The following C16orf87 variants were observed in gnomAD, a reference collection of about 807,000 sequenced individuals.
C16orf87 encodes UPF0547 protein C16orf87.
Under a neutral mutation model 21.0 loss-of-function variants are expected in C16orf87, and 13 were observed. The ratio of observed to expected loss-of-function variants is 0.62; its 90% CI spans 0.40 to 0.98. The LOEUF (loss-of-function observed/expected upper bound fraction) is 0.98, where lower values mean the gene tolerates loss of function less well. C16orf87 is among the 50% of genes least tolerant of loss of function. C16orf87 has a pLI of 0.00. For synonymous variants in C16orf87, 49 were observed against 60.2 expected, an observed-to-expected ratio of 0.81 and a Z score of 0.86; for missense variants, 113 against 180.4, an observed-to-expected ratio of 0.63 and a Z score of 2.14.
At chr16:46,830,488 T>A (rs1209138385) in intron 1 of C16orf87, 1 of 152,262 alleles carries the variant, frequency 6.6e-6, no homozygotes, top group African/African-American at 2.4e-5. Flanking sequence ...GGATTCGCGA[T>A]TGCACAGCAA....
At position 46,801,962 on chromosome 16, in the gene C16orf87, T is replaced by C. The variant is rs1488589077; in HGVS notation, c.*990A>G. On this transcript the variant is annotated 3_prime_UTR_variant, in exon 4 of 4. Transcript: ENST00000285697. ...AAATCAACTATAAACGATTATGACT[T>C]AACACTAGAAAAATTAAGAATTTAA... The C allele has an allele frequency of 2.0e-5, 3 of 152,164 alleles. No individual in the cohort carries two copies. The highest frequency in any genetic ancestry group is 7.2e-5 in the African/African-American group (3 of 41,440). 9.4% of individuals were successfully genotyped at this position (152,164 alleles called of 1,614,324 possible).
At chr16:46,816,901 T>C (rs1220849131) in intron 2 of C16orf87, among the ~76,000 whole-genome samples, 1 of 152,158 alleles carries the variant, frequency 6.6e-6, no homozygotes, top group African/African-American at 2.4e-5. Flanking sequence ...GAAATGTGTA[T>C]AGGATGCTTA....
At position 46,801,563 on chromosome 16, in the gene C16orf87, C is replaced by T. The variant is rs1320259925; in HGVS notation, c.*1389G>A. ...TGCATACAAAATAGTTGCAGTAGTA[C>T]CTGCAGATAGATACAGGGATTAAAG... On this transcript the variant is annotated 3_prime_UTR_variant, in exon 4 of 4. Coordinates refer to ENST00000285697, the MANE Select transcript of C16orf87 (RefSeq NM_001001436.4). 1 of 152,096 alleles carries T rather than the reference C, an allele frequency of 6.6e-6. No homozygotes were observed. Among genetic ancestry groups the T allele is most frequent in the East Asian group, 1.9e-4 (1 of 5,196 alleles). The allele number at this position is 152,096 out of a possible 1,614,324, so 9.4% of individuals were successfully genotyped here.
At chr16:46,805,499 T>C (rs1171096375) in intron 3 of C16orf87, among the ~76,000 whole-genome samples, 1 of 152,224 alleles carries the variant, frequency 6.6e-6, no homozygotes, top group Non-Finnish European at 1.5e-5. Context: ...ACAATTACAA[T>C]TGCTTCTTTT....
intron 2 of C16orf87, among the ~76,000 whole-genome samples, chr16:46,821,847 G>A (rs1959427470): frequency 6.7e-6 from 1 of 148,918 alleles, no homozygotes; most frequent in Non-Finnish European, 1.5e-5. Flanking sequence ...CAGACTATAT[G>A]TCCAACTGAA....
chr16:46,815,537 T>TCAA (rs1160228625), intron 2 of C16orf87, among the ~76,000 whole-genome samples: 3 of 151,782 alleles, frequency 2.0e-5, no homozygotes, highest in East Asian at 3.8e-4. Flanking sequence ...AATTTACAAG[T>TCAA]CAACAACAAC....
intron 3 of C16orf87, among the ~76,000 whole-genome samples, chr16:46,805,715 T>G (rs1296972957): frequency 6.6e-6 from 1 of 152,236 alleles, no homozygotes; most frequent in Non-Finnish European, 1.5e-5. Context: ...TACACATACG[T>G]GGAGCTTGAC....
In C16orf87 at chr16:46,799,137, G is replaced by C. The variant is rs933901486; in HGVS notation, c.*3815C>G. The C allele has an allele frequency of 2.0e-5, 3 of 152,178 alleles. No homozygotes were observed. The highest frequency in any genetic ancestry group is 4.4e-5 in the Non-Finnish European group (3 of 68,030). The allele number at this position is 152,178 out of a possible 1,614,324, so 9.4% of individuals were successfully genotyped here. ...AAAGAATTATTCTATTCCAGACTCT[G>C]TTATATGTCTCATACTTTTAATCCT... On this transcript the variant is annotated 3_prime_UTR_variant, in exon 4 of 4. Transcript: ENST00000285697.
rs192934941 is a variant in C16orf87, at chr16:46,826,974, A to G, written c.67-2492T>C. ...TTTCAGTCTTATACAAAAGAACTTC[A>G]TATCAATCCATCTCCAGAATTAACA... On this transcript the variant is annotated intron_variant, in intron 1 of 3. Coordinates refer to ENST00000285697, the MANE Select transcript of C16orf87 (RefSeq NM_001001436.4). Among the ~76,000 whole-genome samples the G allele has an allele frequency of 1.8e-3, 278 of 152,348 alleles. 1 individual carries two copies. The highest frequency in any genetic ancestry group is 3.5e-3 in the Non-Finnish European group (237 of 68,022).
At chr16:46,807,941 A>G in intron 3 of C16orf87, 1 of 440,962 alleles carries the variant, frequency 2.3e-6, no homozygotes, top group Non-Finnish European at 4.5e-6. Context: ...GATGGTCATT[A>G]TCTGCTTTCT....
At position 46,799,738 on chromosome 16, in the gene C16orf87, CT is replaced by C. The variant is rs1413946149; in HGVS notation, c.*3213del. The stretch of plus-strand genomic sequence containing the variant: ...TGGCAAGATCATCACTCACTGCAGC[CT>C]CGAACTCCTGGGCTCAAGTGATCCT... On this transcript the variant is annotated 3_prime_UTR_variant, in exon 4 of 4. Coordinates refer to ENST00000285697, the MANE Select transcript of C16orf87 (RefSeq NM_001001436.4). 1 of 152,242 alleles carries C rather than the reference CT, an allele frequency of 6.6e-6. No homozygotes were observed. Among genetic ancestry groups the C allele is most frequent in the East Asian group, 1.9e-4 (1 of 5,202 alleles). The allele number at this position is 152,242 out of a possible 1,614,324, so 9.4% of individuals were successfully genotyped here.
In C16orf87 at chr16:46,801,100, A is replaced by G. The variant is rs981895573; in HGVS notation, c.*1852T>C. 6.6e-6 allele frequency: 1 copy of G among 152,234 alleles called. No homozygotes were observed. Among genetic ancestry groups the G allele is most frequent in the Non-Finnish European group, 1.5e-5 (1 of 68,040 alleles). 9.4% of individuals were successfully genotyped at this position (152,234 alleles called of 1,614,324 possible). A position where few individuals can be genotyped will look rare whatever the true frequency, so the allele number is the denominator to read the frequency against. The stretch of plus-strand genomic sequence containing the variant: ...TTCTGAGGACATATATATGTATACA[A>G]GCATTTTTAGATATTAATCATTTTT... On this transcript the variant is annotated 3_prime_UTR_variant, in exon 4 of 4. Transcript: ENST00000285697.
chr16:46,827,152 T>A (rs1002422958), intron 1 of C16orf87, among the ~76,000 whole-genome samples: 1 of 152,190 alleles, frequency 6.6e-6, no homozygotes, highest in African/African-American at 2.4e-5. Flanking sequence ...CATTCTATAG[T>A]TTGAGTTAAT....
At chr16:46,814,554 C>T (rs568092040) in intron 2 of C16orf87, among the ~76,000 whole-genome samples, 1 of 152,194 alleles carries the variant, frequency 6.6e-6, no homozygotes, top group Non-Finnish European at 1.5e-5. Context: ...TGCCTGCTCA[C>T]CTCCTGCCAC....
rs1967823110 is a variant in C16orf87, at chr16:46,803,016, A to C, written c.401T>G (p.Phe134Cys). Residue 134 changes from phenylalanine to cysteine, a missense_variant, in exon 4 of 4, where the codon TTC becomes TGC. Phe to Cys is a radical substitution (Grantham distance 205). Coordinates refer to ENST00000285697, the MANE Select transcript of C16orf87 (RefSeq NM_001001436.4). ...IYANLSDEKA[F>C]VFSVALAEIN... ...TTCTGCCAAGGCGACTGAAAACACG[A>C]AAGCCTTTTCATCAGACAGGTTAGC... 1 of 1,608,036 alleles carries C rather than the reference A, an allele frequency of 6.2e-7. No individual in the cohort carries two copies.
chr16:46,827,884 G>A (rs1218490634), intron 1 of C16orf87, among the ~76,000 whole-genome samples: 2 of 147,780 alleles, frequency 1.4e-5, no homozygotes, highest in African/African-American at 5.0e-5. Flanking sequence ...TGCCCAGCCT[G>A]GATTTTTTAA....
chr16:46,803,127 A>G, intron 3 of C16orf87, 57 bp from the exon 4 acceptor site: 1 of 773,182 alleles, frequency 1.3e-6, no homozygotes, highest in Middle Eastern at 3.7e-4. Flanking sequence ...GTAAATTTAA[A>G]TTTTTTAAAG....
intron 2 of C16orf87, among the ~76,000 whole-genome samples, chr16:46,815,357 C>T (rs1353847115): frequency 4.1e-5 from 6 of 147,026 alleles, no homozygotes; most frequent in Non-Finnish European, 6.0e-5. Context: ...ATACCAAAAG[C>T]GAAAGCAAAA....
intron 3 of C16orf87, among the ~76,000 whole-genome samples, chr16:46,808,667 T>C (rs1013099999): frequency 3.3e-5 from 5 of 152,140 alleles, no homozygotes; most frequent in African/African-American, 9.7e-5. Context: ...TTTGTGGACA[T>C]AGAGAGGTTC....
Sources: allele counts gnomAD v4.1 joint callset (sites outside exome capture counted in the v4.1 genomes callset), GRCh38; gene constraint gnomAD v4.1.1; transcripts MANE v1.5; gene names NCBI Gene and HGNC (gene_info 2026-07-23, HGNC 2026-07-21).